The following RORA variants were observed in gnomAD, a reference collection of about 807,000 sequenced individuals.
RORA encodes the protein RAR related orphan receptor A.
In RORA, 7 loss-of-function variants were observed where a neutral mutation model predicts 69.5. The observed-to-expected ratio is 0.10, with a 90% CI of 0.06 to 0.19. The LOEUF (loss-of-function observed/expected upper bound fraction) is 0.19. Among genes scored for constraint, RORA ranks in the 10% least tolerant of loss-of-function variants. The probability of loss-of-function intolerance (pLI) is 1.00; values close to 1 mark genes in which losing one functional copy is unlikely to be tolerated. For missense variants in RORA, 457 were observed against 663.0 expected, an observed-to-expected ratio of 0.69 and a Z score of 3.41; for synonymous variants, 261 against 240.8, an observed-to-expected ratio of 1.08 and a Z score of -0.78.
Position 60,679,780 on chromosome 15 carries a change from A to G in RORA, c.167-1094T>C, listed in dbSNP as rs180788319. Among the ~76,000 whole-genome samples, 356 of 152,316 alleles carry G rather than the reference A, an allele frequency of 2.3e-3. 2 individuals carry two copies. The highest frequency in any genetic ancestry group is 8.4e-3 in the African/African-American group (351 of 41,566). ...ACATTTTTTAAAAAGTTGGTTCCGA[A>G]GTTGTGAGCCAAGACCAAAATCACA... On this transcript the variant is annotated intron_variant, in intron 1 of 10. Coordinates refer to ENST00000335670, the MANE Select transcript of RORA (RefSeq NM_134261.3).
chr15:60,941,095 G>C (rs1892682738), intron 1 of RORA, among the ~76,000 whole-genome samples: 1 of 152,206 alleles, frequency 6.6e-6, no homozygotes, highest in Non-Finnish European at 1.5e-5. Context: ...AATCAAATGA[G>C]CCAACTTTGT....
At chr15:60,759,063 T>G (rs2071843842) in intron 1 of RORA, among the ~76,000 whole-genome samples, 1 of 152,210 alleles carries the variant, frequency 6.6e-6, no homozygotes, top group African/African-American at 2.4e-5. Context: ...TCAGTTGAAC[T>G]GCATCAACCT....
chr15:60,874,032 T>C (rs1295506769), intron 1 of RORA, among the ~76,000 whole-genome samples: 1 of 152,328 alleles, frequency 6.6e-6, no homozygotes, highest in South Asian at 2.1e-4. Context: ...AGCCAAGGCA[T>C]GAAGTCCTGA....
At chr15:61,039,804 T>A (rs1338191555) in intron 1 of RORA, among the ~76,000 whole-genome samples, 1 of 149,562 alleles carries the variant, frequency 6.7e-6, no homozygotes, top group African/African-American at 2.5e-5. Flanking sequence ...TCAATGTGCA[T>A]GGGAACTTAC....
At chr15:60,627,578 C>G (rs202004173) in intron 2 of RORA, 2 of 1,268,042 alleles carry the variant, frequency 1.6e-6, no homozygotes, top group Non-Finnish European at 2.0e-6. Flanking sequence ...GAGGTACTTA[C>G]AATTCTCCCA....
intron 1 of RORA, among the ~76,000 whole-genome samples, chr15:60,896,374 T>G (rs17270571): frequency 0.09 from 13,733 of 152,322 alleles, 763 homozygotes; most frequent in Non-Finnish European, 0.13. Context: ...GCATTGATTT[T>G]ACCCCCCTTG....
intron 1 of RORA, among the ~76,000 whole-genome samples, chr15:61,204,288 T>C (rs2118326): frequency 0.69 from 104,235 of 152,124 alleles, 36,987 homozygotes; most frequent in Non-Finnish European, 0.8. Context: ...CACGAATGTA[T>C]CCCCAGGATT....
At chr15:60,879,091 T>A (rs954443829) in intron 1 of RORA, among the ~76,000 whole-genome samples, 4 of 152,198 alleles carry the variant, frequency 2.6e-5, no homozygotes, top group Non-Finnish European at 4.4e-5. Flanking sequence ...GGTCCTCTAC[T>A]GCCCAAGTTC....
intron 1 of RORA, among the ~76,000 whole-genome samples, chr15:60,888,398 A>G (rs2140454873): frequency 6.6e-6 from 1 of 152,344 alleles, no homozygotes; most frequent in South Asian, 2.1e-4. Flanking sequence ...TGAAAAGGAC[A>G]TGTGTGACTG....
intron 1 of RORA, among the ~76,000 whole-genome samples, chr15:60,777,295 C>T (rs761786158): frequency 2.4e-4 from 37 of 152,112 alleles, no homozygotes; most frequent in Non-Finnish European, 4.1e-4. Flanking sequence ...AACACGGATA[C>T]GGAGAAATCA....
intron 1 of RORA, among the ~76,000 whole-genome samples, chr15:61,184,152 A>C (rs2079716328): frequency 6.6e-6 from 1 of 152,148 alleles, no homozygotes; most frequent in African/African-American, 2.4e-5. Context: ...GCATTTCACA[A>C]TTTTGCCCCA....
intron 7 of RORA, 115 bp downstream of exon 7, chr15:60,503,420 G>T: frequency 1.1e-6 from 1 of 950,270 alleles, no homozygotes; most frequent in Non-Finnish European, 1.6e-6. Context: ...AAAAACCTGA[G>T]CTATTATCAT....
chr15:61,217,886 T>C (rs1423193024), intron 1 of RORA, among the ~76,000 whole-genome samples: 1 of 152,146 alleles, frequency 6.6e-6, no homozygotes, highest in Non-Finnish European at 1.5e-5. Context: ...AAATAATAAG[T>C]ATTTACATTA....
chr15:60,742,914 T>C (rs547102039), intron 1 of RORA, among the ~76,000 whole-genome samples: 1 of 152,298 alleles, frequency 6.6e-6, no homozygotes, highest in East Asian at 1.9e-4. Context: ...TAGGTTGATT[T>C]CATATCTTGA....
chr15:61,055,959 T>C (rs781095462), intron 1 of RORA, among the ~76,000 whole-genome samples: 7 of 152,336 alleles, frequency 4.6e-5, no homozygotes, highest in Non-Finnish European at 8.8e-5. Context: ...TTGAAAAGCA[T>C]GCTTTAATTA....
chr15:60,552,393 T>C (rs902930305), intron 2 of RORA, among the ~76,000 whole-genome samples: 2 of 152,184 alleles, frequency 1.3e-5, no homozygotes, highest in East Asian at 1.9e-4. Flanking sequence ...TATGAATACC[T>C]GCATTCATTC....
At chr15:60,597,597 C>CATATATATATATATATATATAT (rs1213736725) in intron 2 of RORA, among the ~76,000 whole-genome samples, 1 of 31,348 alleles carries the variant, frequency 3.2e-5, no homozygotes, top group Non-Finnish European at 5.7e-5. Context: ...TATATATACA[C>CATATATATATATATATATATAT]ATATATATAT....
At chr15:61,113,499 T>A (rs1421391891) in intron 1 of RORA, among the ~76,000 whole-genome samples, 1 of 152,110 alleles carries the variant, frequency 6.6e-6, no homozygotes, top group Admixed American at 6.5e-5. Context: ...ACAAAGTAAC[T>A]CCTGTGGCCC....
chr15:61,006,870 C>A (rs1351145291), intron 1 of RORA, among the ~76,000 whole-genome samples: 1 of 152,166 alleles, frequency 6.6e-6, no homozygotes, highest in Non-Finnish European at 1.5e-5. Context: ...GGTTTTCAAA[C>A]TAGAAAATGT....
Sources: allele counts gnomAD v4.1 joint callset (sites outside exome capture counted in the v4.1 genomes callset), GRCh38; gene constraint gnomAD v4.1.1; transcripts MANE v1.5; gene names NCBI Gene and HGNC (gene_info 2026-07-23, HGNC 2026-07-21).